Variants in ARFIP1 observed in about 807,000 individuals in gnomAD.
ARFIP1 encodes the protein ARF interacting protein 1, also known as arfaptin-1.
ARFIP1 carries 24 observed loss-of-function variants against 42.5 expected under a neutral mutation model. The ratio of observed to expected loss-of-function variants is 0.57; its 90% CI spans 0.41 to 0.80. ARFIP1 has a LOEUF of 0.80. Ranked by LOEUF, ARFIP1 falls within the 30% of genes least tolerant of loss-of-function variation. ARFIP1 has a pLI of 0.00. For synonymous variants in ARFIP1, 141 were observed against 153.7 expected (o/e 0.92, Z 0.61); for missense variants, 354 against 434.0 (o/e 0.82, Z 1.64).
At chr4:152,791,804 C>T (rs1731158091) in intron 1 of ARFIP1, among the ~76,000 whole-genome samples, 1 of 152,092 alleles carries the variant, frequency 6.6e-6, no homozygotes, top group South Asian at 2.1e-4. Context: ...TATTATTCAA[C>T]AGAAAGAATA....
chr4:152,797,156 G>A (rs1332687142), intron 1 of ARFIP1, among the ~76,000 whole-genome samples: 1 of 152,132 alleles, frequency 6.6e-6, no homozygotes, highest in Non-Finnish European at 1.5e-5. Flanking sequence ...GGAATATGAT[G>A]TGAGATAGAG....
chr4:152,855,997 A>G (rs1733398681), intron 2 of ARFIP1, among the ~76,000 whole-genome samples: 2 of 151,178 alleles, frequency 1.3e-5, no homozygotes, highest in African/African-American at 4.9e-5. Flanking sequence ...TGTGATATCT[A>G]CTCTTTTGGT....
intron 1 of ARFIP1, among the ~76,000 whole-genome samples, chr4:152,799,876 A>G (rs1466667193): frequency 2.0e-5 from 3 of 152,122 alleles, no homozygotes; most frequent in Non-Finnish European, 4.4e-5. Context: ...TGTAATTGTC[A>G]CTCTGATAGA....
At chr4:152,814,293 C>T (rs191056858) in intron 1 of ARFIP1, among the ~76,000 whole-genome samples, 12 of 152,068 alleles carry the variant, frequency 7.9e-5, no homozygotes, top group East Asian at 1.9e-4. Flanking sequence ...GGGGTTTTGT[C>T]GTATTGCCCA....
chr4:152,899,046 C>T (rs1183310376), intron 8 of ARFIP1, among the ~76,000 whole-genome samples: 1 of 152,180 alleles, frequency 6.6e-6, no homozygotes, highest in African/African-American at 2.4e-5. Flanking sequence ...GGCCCCATTT[C>T]GTCACTTACC....
chr4:152,910,351 T>G lies in ARFIP1; in HGVS notation c.*132T>G. On this transcript the variant is annotated 3_prime_UTR_variant, in exon 9 of 9. Transcript: ENST00000353617. ...TGATTCTTGCACAAACAGCTTTAAT[T>G]TTTCCCTTTTTCATACTTTAACAAT... The G allele has an allele frequency of 9.3e-7, 1 of 1,072,610 alleles. No individual in the cohort carries two copies. The highest frequency in any genetic ancestry group is 1.3e-6 in the Non-Finnish European group (1 of 770,368). The allele number at this position is 1,072,610 out of a possible 1,614,324, so 66.4% of individuals were successfully genotyped here. A position where few individuals can be genotyped will look rare whatever the true frequency, so the allele number is the denominator to read the frequency against.
chr4:152,829,721 A>C lies in ARFIP1; in HGVS notation c.88A>C (p.Asn30His). 1.9e-6 allele frequency: 3 copies of C among 1,602,196 alleles called. No homozygotes were observed. Among genetic ancestry groups the C allele is most frequent in the Non-Finnish European group, 2.6e-6 (3 of 1,173,230 alleles). ...EVDDSREHSFNRDLKHSLPSG... is the reference protein window; with the variant it reads ...EVDDSREHSFHRDLKHSLPSG... ...TGATGACTCTCGTGAACATAGCTTT[A>C]ATAGGGTAAGAACACTTTTCTTTCT... The change falls in exon 2 of 9, where the codon AAT (asparagine) becomes CAT (histidine). Residue 30 changes from asparagine to histidine, a missense_variant. Physicochemically the swap from Asn to His is moderately conservative, Grantham distance 68. Coordinates refer to ENST00000353617, the MANE Select transcript of ARFIP1 (RefSeq NM_001025595.3).
At chr4:152,834,612 C>T (rs1410182744) in intron 2 of ARFIP1, among the ~76,000 whole-genome samples, 1 of 152,228 alleles carries the variant, frequency 6.6e-6, no homozygotes, top group Non-Finnish European at 1.5e-5. Flanking sequence ...TGCTCTGCAT[C>T]CTGGGCACAC....
chr4:152,895,922 C>A (rs1737284286), intron 8 of ARFIP1, among the ~76,000 whole-genome samples: 1 of 152,074 alleles, frequency 6.6e-6, no homozygotes, highest in Non-Finnish European at 1.5e-5. Context: ...AATGGTCTTA[C>A]ACTCATAGAG....
intron 8 of ARFIP1, among the ~76,000 whole-genome samples, chr4:152,896,212 G>A (rs961243830): frequency 3.3e-5 from 5 of 151,752 alleles, no homozygotes; most frequent in African/African-American, 1.2e-4. Context: ...TGAGGCCAGA[G>A]CATAATGGGA....
intron 5 of ARFIP1, among the ~76,000 whole-genome samples, chr4:152,878,604 T>A (rs1466664705): frequency 6.6e-6 from 1 of 152,236 alleles, no homozygotes; most frequent in Non-Finnish European, 1.5e-5. Context: ...ACAACTTCTT[T>A]CAAGTGTCCA....
intron 2 of ARFIP1, among the ~76,000 whole-genome samples, chr4:152,853,594 TGACTTTA>T (rs977551134): frequency 2.0e-5 from 3 of 152,244 alleles, no homozygotes; most frequent in Non-Finnish European, 1.5e-5. Context: ...TCTCTATTGT[TGACTTTA>T]GACTTTTTGA....
At position 152,881,168 on chromosome 4, in the gene ARFIP1, A is replaced by T; in HGVS notation, c.617A>T (p.Lys206Met). 3.1e-6 allele frequency: 5 copies of T among 1,609,620 alleles called. No individual in the cohort carries two copies. The highest frequency in any genetic ancestry group is 4.3e-6 in the Non-Finnish European group (5 of 1,176,444). ...GATGCATTTGCTGACCTGAGTTTGA[A>T]GTCACTAGAACTTCATGTAAGATTA... Reference protein sequence around the residue: ...LGDAFADLSLKSLELHEEFGY... With the variant: ...LGDAFADLSLMSLELHEEFGY... Residue 206 changes from lysine to methionine, a missense_variant, in exon 6 of 9, where the codon AAG (lysine) becomes ATG (methionine). Transcript: ENST00000353617.
chr4:152,818,151 A>G (rs1396678079), intron 1 of ARFIP1, among the ~76,000 whole-genome samples: 1 of 152,220 alleles, frequency 6.6e-6, no homozygotes, highest in East Asian at 1.9e-4. Flanking sequence ...GTGTGTAGAA[A>G]TTCACACTGT....
At chr4:152,841,295 A>G (rs566552546) in intron 2 of ARFIP1, among the ~76,000 whole-genome samples, 23 of 152,020 alleles carry the variant, frequency 1.5e-4, no homozygotes, top group Admixed American at 3.9e-4. Context: ...CAGCCTCCCA[A>G]AATGCTGGGA....
rs1734502414 is a variant in ARFIP1, at chr4:152,867,447, T to C, written c.203-3306T>C. ...TTGCAGTGAGCCGAGATGGCAGCAGTATAGTCCAGCTTCTGCTCGGCATCA... is the reference window on the plus strand; with the variant it reads ...TTGCAGTGAGCCGAGATGGCAGCAGCATAGTCCAGCTTCTGCTCGGCATCA... On this transcript the variant is annotated intron_variant, in intron 3 of 8. Coordinates refer to ENST00000353617, the MANE Select transcript of ARFIP1 (RefSeq NM_001025595.3). Among the ~76,000 whole-genome samples the C allele has an allele frequency of 2.0e-5, 3 of 151,596 alleles. No individual in the cohort carries two copies. In the South Asian group the frequency reaches 6.3e-4, roughly 32 times the overall value.
intron 1 of ARFIP1, among the ~76,000 whole-genome samples, chr4:152,797,404 T>C (rs538977553): frequency 2.0e-5 from 3 of 152,290 alleles, no homozygotes; most frequent in South Asian, 4.1e-4. Context: ...GGTCTCCTTG[T>C]GGTTTTCCTT....
intron 2 of ARFIP1, among the ~76,000 whole-genome samples, chr4:152,842,521 A>G (rs1268589988): frequency 6.6e-6 from 1 of 152,066 alleles, no homozygotes; most frequent in Non-Finnish European, 1.5e-5. Context: ...AGCTTTTAGA[A>G]TTCTCCTCTT....
At chr4:152,904,096 G>T (rs1041042284) in intron 8 of ARFIP1, among the ~76,000 whole-genome samples, 1 of 150,578 alleles carries the variant, frequency 6.6e-6, no homozygotes, top group Non-Finnish European at 1.5e-5. Flanking sequence ...TGCAGGATGT[G>T]CAGGTCTGTT....
Sources: gnomAD v4.1 joint callset for allele counts (sites outside exome capture counted in the v4.1 genomes callset) on GRCh38, gnomAD v4.1.1 for gene constraint, MANE v1.5 for transcripts, NCBI Gene and HGNC (gene_info 2026-07-23, HGNC 2026-07-21) for gene names.